PEX1: variants seen among roughly 807,000 people sequenced by gnomAD.
PEX1 encodes the protein peroxisomal biogenesis factor 1, also known as peroxisomal ATPase PEX1.
PEX1 carries 97 observed loss-of-function variants against 152.5 expected under a neutral mutation model. That is an observed-to-expected ratio of 0.64 (90% CI 0.54 to 0.75). The LOEUF is 0.75. Ranked by LOEUF, PEX1 falls within the 30% of genes least tolerant of loss-of-function variation. The pLI, the probability that PEX1 is intolerant of heterozygous loss-of-function variation, is 0.00. For missense variants in PEX1, 1,357 were observed against 1,516.3 expected (o/e 0.89, Z 1.74); for synonymous variants, 485 against 531.6 (o/e 0.91, Z 1.21).
intron 19 of PEX1, 64 bp from the exon 20 acceptor site, chr7:92,493,193 G>A: frequency 2.2e-6 from 2 of 929,616 alleles, no homozygotes; most frequent in Non-Finnish European, 3.3e-6. Context: ...CTTAAATTGT[G>A]TATCTTATGA....
At chr7:92,527,787 C>G (rs1039973780) in intron 1 of PEX1, among the ~76,000 whole-genome samples, 8 of 152,222 alleles carry the variant, frequency 5.3e-5, no homozygotes, top group African/African-American at 7.2e-5. Flanking sequence ...GTTATGTGTT[C>G]CTAACACACT....
intron 14 of PEX1, 64 bp from the exon 15 acceptor site, chr7:92,501,737 G>C: frequency 6.9e-7 from 1 of 1,442,426 alleles, no homozygotes; most frequent in African/African-American, 1.4e-5. Flanking sequence ...TTCAAAATAT[G>C]CCATCATCTT....
Position 92,519,097 on chromosome 7 carries a change from T to G in PEX1, c.274-19A>C, listed in dbSNP as rs1460777235. On this transcript the variant is annotated intron_variant, in intron 2 of 23. Coordinates refer to ENST00000248633, the MANE Select transcript of PEX1 (RefSeq NM_000466.3). ...GAAATACCTAGAAAAAATTAAAAAT[T>G]TAAAACTACTTTAAAAAAACTTTTC... 1 of 1,416,558 alleles carries G rather than the reference T, an allele frequency of 7.1e-7. No individual in the cohort carries two copies. The highest frequency in any genetic ancestry group is 1.2e-5 in the South Asian group (1 of 86,528). The allele number at this position is 1,416,558 out of a possible 1,614,324, so 87.7% of individuals were successfully genotyped here. A position where few individuals can be genotyped will look rare whatever the true frequency, so the allele number is the denominator to read the frequency against.
At chr7:92,499,584 G>A (rs1585228178) in intron 16 of PEX1, 120 bp downstream of exon 16, 2 of 810,998 alleles carry the variant, frequency 2.5e-6, no homozygotes, top group East Asian at 5.0e-5. Flanking sequence ...ATTAGAGAGA[G>A]GTGGTGGTTG....
At chr7:92,492,823 G>C in intron 20 of PEX1, 130 bp downstream of exon 20, 1 of 759,378 alleles carries the variant, frequency 1.3e-6, no homozygotes, top group Non-Finnish European at 2.4e-6. Flanking sequence ...TTCAACTAAA[G>C]GTAAATTTAT....
At chr7:92,502,115 G>T in intron 13 of PEX1, 36 bp from the exon 14 acceptor site, 1 of 1,328,650 alleles carries the variant, frequency 7.5e-7, no homozygotes, top group African/African-American at 1.5e-5. Context: ...ATTTCCAATT[G>T]TATTCAACTG....
chr7:92,516,766 CCGGCAGGGT>C (rs1226611631), intron 5 of PEX1, among the ~76,000 whole-genome samples: 1 of 152,208 alleles, frequency 6.6e-6, no homozygotes, highest in East Asian at 1.9e-4. Context: ...AGAGCAGACA[CCGGCAGGGT>C]AAGCAGCTCC....
rs186927973 is a variant in PEX1, at chr7:92,494,733, T to C, written c.2784-104A>G. On this transcript the variant is annotated intron_variant, in intron 17 of 23. Coordinates refer to ENST00000248633, the MANE Select transcript of PEX1 (RefSeq NM_000466.3). ...TATTTATTTTATGTATTTATATATA[T>C]TTATATACTTCTTTTAATTTTTACA... The C allele has an allele frequency of 1.1e-4, 78 of 696,354 alleles. No homozygotes were observed. In the Middle Eastern group the frequency reaches 1.4e-3, roughly 13 times the overall value. 43.1% of individuals were successfully genotyped at this position (696,354 alleles called of 1,614,324 possible).
At chr7:92,527,973 G>C (rs953021106) in intron 1 of PEX1, among the ~76,000 whole-genome samples, 1 of 152,254 alleles carries the variant, frequency 6.6e-6, no homozygotes, top group African/African-American at 2.4e-5. Flanking sequence ...TGGCTGGCAA[G>C]GAAAACACCT....
intron 5 of PEX1, among the ~76,000 whole-genome samples, chr7:92,514,267 C>G (rs980995963): frequency 3.3e-5 from 5 of 152,154 alleles, no homozygotes; most frequent in African/African-American, 4.8e-5. Context: ...CCTCCTAATA[C>G]GATCACCTTG....
chr7:92,515,157 A>C (rs1330319374), intron 5 of PEX1, among the ~76,000 whole-genome samples: 1 of 147,246 alleles, frequency 6.8e-6, no homozygotes, highest in Non-Finnish European at 1.5e-5. Context: ...TCAACTTCCC[A>C]AATATAAGTA....
At chr7:92,496,281 C>G (rs1309413027) in intron 17 of PEX1, among the ~76,000 whole-genome samples, 1 of 151,944 alleles carries the variant, frequency 6.6e-6, no homozygotes, top group Admixed American at 6.6e-5. Flanking sequence ...TATTCATATA[C>G]AGTTTTTTAA....
intron 10 of PEX1, 109 bp downstream of exon 10, chr7:92,506,885 T>TGGTC: frequency 1.9e-6 from 2 of 1,038,582 alleles, no homozygotes; most frequent in Non-Finnish European, 3.0e-6. Context: ...AAACCCTATA[T>TGGTC]AATAGATGGT....
rs763218526 is a variant in PEX1, at chr7:92,522,112, T to A, written c.263A>T (p.Asn88Ile). The change falls in exon 2 of 24, where the codon AAT becomes ATT. Residue 88 changes from asparagine to isoleucine, a missense_variant. Transcript: ENST00000248633. The part of the protein sequence containing the change: ...RQVGQKLGLS[N>I]GGQVFLKPCS... ...ATCACATGTGCTTACCTGTCCCCCA[T>A]TTGAGAGTCCAAGTTTTTGACCAAC... The A allele has an allele frequency of 5.0e-6, 8 of 1,613,954 alleles. No homozygotes were observed. The Admixed American group carries it at 1.2e-4, about 24-fold the overall frequency.
At chr7:92,511,220 G>C (rs1008793457) in intron 7 of PEX1, among the ~76,000 whole-genome samples, 173 bp from the exon 8 acceptor site, 8 of 151,820 alleles carry the variant, frequency 5.3e-5, no homozygotes, top group Non-Finnish European at 8.8e-5. Context: ...GACCTCCTGG[G>C]CTCAAGTGAT....
chr7:92,491,986 G>A (rs933595172), intron 20 of PEX1, among the ~76,000 whole-genome samples: 1 of 152,160 alleles, frequency 6.6e-6, no homozygotes, highest in Non-Finnish European at 1.5e-5. Flanking sequence ...CCAAACAAAT[G>A]TGGTAAAGAA....
chr7:92,494,170 TA>T, intron 19 of PEX1, 122 bp downstream of exon 19: 1 of 782,628 alleles, frequency 1.3e-6, no homozygotes, highest in East Asian at 2.7e-5. Flanking sequence ...AAACAGTGGC[TA>T]AAGCTTTTCC....
intron 6 of PEX1, among the ~76,000 whole-genome samples, chr7:92,513,394 G>T (rs1393000841): frequency 1.3e-5 from 2 of 152,074 alleles, no homozygotes; most frequent in Admixed American, 6.6e-5. Context: ...ATAACATTCT[G>T]ATACATACAA....
chr7:92,518,647 G>C (rs770729528), intron 3 of PEX1, among the ~76,000 whole-genome samples: 1 of 152,194 alleles, frequency 6.6e-6, no homozygotes, highest in Admixed American at 6.5e-5. Flanking sequence ...CTGACTCACT[G>C]CAGCCTTGAC....
Sources: allele counts gnomAD v4.1 joint callset (sites outside exome capture counted in the v4.1 genomes callset), GRCh38; gene constraint gnomAD v4.1.1; transcripts MANE v1.5; gene names NCBI Gene and HGNC (gene_info 2026-07-23, HGNC 2026-07-21).